The following NUP133 variants were observed in gnomAD, a reference collection of about 807,000 sequenced individuals.
The protein encoded by NUP133 is nuclear pore complex protein Nup133.
NUP133 carries 66 observed loss-of-function variants against 146.2 expected under a neutral mutation model. The ratio of observed to expected loss-of-function variants is 0.45; its 90% confidence interval spans 0.37 to 0.55. NUP133 has a LOEUF of 0.55. Ranked by LOEUF, NUP133 falls within the 20% of genes least tolerant of loss-of-function variation. The probability of loss-of-function intolerance (pLI) is 0.00; values close to 1 mark genes in which losing one functional copy is unlikely to be tolerated. For missense variants in NUP133, 1,277 were observed against 1,374.8 expected, an observed-to-expected ratio of 0.93 and a Z score of 1.12; for synonymous variants, 521 against 498.8, an observed-to-expected ratio of 1.04 and a Z score of -0.59.
At position 229,441,786 on chromosome 1, in the gene NUP133, T is replaced by C; in HGVS notation, c.*118A>G. ...ATATTAGCTTCCTACATATAAAGTA[T>C]AAAAACTCAGCTATACATGTTATGA... On this transcript the variant is annotated 3_prime_UTR_variant, in exon 26 of 26. Coordinates refer to ENST00000261396, the MANE Select transcript of NUP133 (RefSeq NM_018230.3). The C allele has an allele frequency of 1.2e-6, 1 of 861,706 alleles. No homozygotes were observed. The highest frequency in any genetic ancestry group is 1.8e-6 in the Non-Finnish European group (1 of 568,646). The allele number at this position is 861,706 out of a possible 1,614,324, so 53.4% of individuals were successfully genotyped here. A position where few individuals can be genotyped will look rare whatever the true frequency, so the allele number is the denominator to read the frequency against.
At chr1:229,469,184 G>A (rs998750115) in intron 15 of NUP133, among the ~76,000 whole-genome samples, 1 of 152,194 alleles carries the variant, frequency 6.6e-6, no homozygotes, top group African/African-American at 2.4e-5. Flanking sequence ...GGAAGAGCTG[G>A]CCCTGTTTCT....
intron 13 of NUP133, among the ~76,000 whole-genome samples, chr1:229,477,033 A>C (rs1661094133): frequency 6.6e-6 from 1 of 152,154 alleles, no homozygotes; most frequent in Non-Finnish European, 1.5e-5. Flanking sequence ...AGGAAAGCTA[A>C]GTAAGGCAAT....
In NUP133 at chr1:229,486,460, C is replaced by A. The variant is rs747808436; in HGVS notation, c.1411G>T (p.Val471Leu). The A allele has an allele frequency of 2.5e-6, 4 of 1,611,344 alleles. No homozygotes were observed. The highest frequency in any genetic ancestry group is 3.4e-5 in the Admixed American group (2 of 59,454). The change falls in exon 11 of 26, where the codon GTG (valine) becomes TTG (leucine). Residue 471 changes from valine (V) to leucine (L), a missense_variant. This residue lies in a region of NUP133 where 952 missense variants were observed against 1,047.0 expected (regional missense o/e 0.91). Transcript: ENST00000261396. ...ACATTTTCCCTTGAAGTAATAGACACCAGTCCACTGTTTCTAGAAAAAATG... is the reference window on the plus strand; with the variant it reads ...ACATTTTCCCTTGAAGTAATAGACAACAGTCCACTGTTTCTAGAAAAAATG... The part of the protein sequence containing the change: ...PIIFSRNSGL[V>L]SITSRENVSI...
chr1:229,498,369 T>C (rs1194219881), intron 5 of NUP133, 63 bp from the exon 6 acceptor site: 20 of 1,180,200 alleles, frequency 1.7e-5, no homozygotes, highest in East Asian at 2.6e-5. Flanking sequence ...AAATGAAAAA[T>C]TCTTTGATAC....
At chr1:229,449,008 G>C (rs1660379884) in intron 24 of NUP133, 118 bp downstream of exon 24, 1 of 762,632 alleles carries the variant, frequency 1.3e-6, no homozygotes. Flanking sequence ...CAGTGTAGGA[G>C]GTGGGAAATC....
At chr1:229,478,000 T>C (rs1661120041) in intron 12 of NUP133, among the ~76,000 whole-genome samples, 1 of 152,106 alleles carries the variant, frequency 6.6e-6, no homozygotes, top group Non-Finnish European at 1.5e-5. Flanking sequence ...AAGAGCATAA[T>C]TAGAATGTTC....
At chr1:229,486,203 A>C (rs1411097055) in intron 11 of NUP133, among the ~76,000 whole-genome samples, 168 bp downstream of exon 11, 2 of 151,666 alleles carry the variant, frequency 1.3e-5, no homozygotes, top group African/African-American at 4.9e-5. Context: ...AAAATTAGCC[A>C]GGCACCTACT....
chr1:229,493,876 C>G, intron 8 of NUP133, among the ~76,000 whole-genome samples: 1 of 152,278 alleles, frequency 6.6e-6, no homozygotes, highest in East Asian at 1.9e-4. Flanking sequence ...CTGACACCTG[C>G]AATCCCACTA....
At position 229,499,718 on chromosome 1, in the gene NUP133, C is replaced by A. The variant is rs1661748752; in HGVS notation, c.614G>T (p.Gly205Val). The change falls in exon 5 of 26, where the codon GGT becomes GTT. Residue 205 changes from glycine (G) to valine (V), a missense_variant. This residue lies in a region of NUP133 where 319 missense variants were observed against 306.9 expected (regional missense o/e 1.04). Transcript: ENST00000261396. ...TGTTAGGAAACTGTAAGTCTTATCA[C>A]CTCCCGAATCTACAAAAGCCTCTGT... ...TYTEAFVDSG[G>V]DKTYSFLTAV... The A allele has an allele frequency of 6.2e-7, 1 of 1,614,140 alleles. No homozygotes were observed. The highest frequency in any genetic ancestry group is 1.1e-5 in the South Asian group (1 of 91,082).
chr1:229,480,575 A>G (rs1016037724), intron 12 of NUP133, among the ~76,000 whole-genome samples: 8 of 152,192 alleles, frequency 5.3e-5, no homozygotes, highest in African/African-American at 1.9e-4. Context: ...GATTAAACAG[A>G]CAGTCACACT....
intron 25 of NUP133, among the ~76,000 whole-genome samples, chr1:229,443,614 T>G (rs73112270): frequency 0.054 from 8,256 of 152,062 alleles, 602 homozygotes; most frequent in African/African-American, 0.15. Context: ...AACACTATTG[T>G]ACATGAAAGC....
rs1660673298 is a variant in NUP133, at chr1:229,460,674, A to T, written c.2781T>A (p.Asn927Lys). The change falls in exon 20 of 26, where the codon AAT becomes AAA. Residue 927 changes from asparagine to lysine, a missense_variant. By Grantham distance (94) the Asn-to-Lys change is moderately conservative (BLOSUM62 0). This residue lies in a region of NUP133 where 952 missense variants were observed against 1,047.0 expected (regional missense o/e 0.91). Coordinates refer to ENST00000261396, the MANE Select transcript of NUP133 (RefSeq NM_018230.3). Reference protein sequence around the residue: ...QPISQHGQLANFLQAHEHLSW... With the variant: ...QPISQHGQLAKFLQAHEHLSW... ...TGAGATGTTCATGAGCTTGCAAAAAATTTGCCAACTGTCCATGCTGAGAAA... is the reference window on the plus strand; with the variant it reads ...TGAGATGTTCATGAGCTTGCAAAAATTTTGCCAACTGTCCATGCTGAGAAA... 6.2e-7 allele frequency: 1 copy of T among 1,614,118 alleles called. No homozygotes were observed.
Position 229,502,069 on chromosome 1 carries a change from C to A in NUP133, c.335G>T (p.Gly112Val). The stretch of plus-strand genomic sequence containing the variant: ...TTTGCACACCAGACAAGCCCATCCA[C>A]CTTCATCTATGTTAATGGTCAGCTG... ...DDQLTINIDE[G>V]GWACLVCKEK... The change falls in exon 3 of 26, where the codon GGT (glycine) becomes GTT (valine). Residue 112 changes from glycine to valine, a missense_variant. Around this residue, in one of 3 missense-constraint regions of NUP133, gnomAD observed 319 missense variants for 306.9 expected, o/e 1.04. Transcript: ENST00000261396. The A allele has an allele frequency of 6.2e-7, 1 of 1,613,962 alleles. No homozygotes were observed. Among genetic ancestry groups the A allele is most frequent in the Non-Finnish European group, 8.5e-7 (1 of 1,179,938 alleles).
rs1660374684 is a variant in NUP133, at chr1:229,448,881, T to C, written c.3245+245A>G. ...CAGGCAAAACCCCCTGGTGCTTAAA[T>C]TGGCATCAAAGTCAGGGGCAGTCTG... On this transcript the variant is annotated intron_variant, in intron 24 of 25. Coordinates refer to ENST00000261396, the MANE Select transcript of NUP133 (RefSeq NM_018230.3). 3 of 498,994 alleles carry C rather than the reference T, an allele frequency of 6.0e-6. No individual in the cohort carries two copies. The South Asian group carries it at 7.4e-5, about 12-fold the overall frequency. The allele number at this position is 498,994 out of a possible 1,614,324, so 30.9% of individuals were successfully genotyped here.
rs921672817 is a variant in NUP133, at chr1:229,487,457, C to T, written c.1342+9G>A. Reference sequence around the variant, plus strand: ...TCACCAATCATGCTTTCTAAAACTGCTACTGTACCTTGTGCATTAAAGACA... The same window carrying T: ...TCACCAATCATGCTTTCTAAAACTGTTACTGTACCTTGTGCATTAAAGACA... On this transcript the variant is annotated intron_variant, in intron 10 of 25. Transcript: ENST00000261396. 4.3e-6 allele frequency: 7 copies of T among 1,610,464 alleles called. No individual in the cohort carries two copies. The highest frequency in any genetic ancestry group is 1.7e-5 in the Admixed American group (1 of 58,910).
intron 25 of NUP133, 68 bp downstream of exon 25, chr1:229,444,846 C>CAAA: frequency 6.7e-6 from 7 of 1,041,072 alleles, no homozygotes; most frequent in Non-Finnish European, 1.0e-5. Flanking sequence ...GACTCCGTCT[C>CAAA]AAAAAAAAAC....
In NUP133 at chr1:229,470,682, G is replaced by T. The variant is rs1660934192; in HGVS notation, c.1974C>A (p.Ser658=). 1 of 1,614,054 alleles carries T rather than the reference G, an allele frequency of 6.2e-7. No homozygotes were observed. ...CTGTGTTGACAAGGTCAGAAAGCCG[G>T]GAGTGGTGGTTCTTGAGAACAATGG... ...SAAIVLKNHH[S]RLSDLVNTAI... Residue 658 remains serine (S), a synonymous_variant, in exon 15 of 26, where the codon TCC becomes TCA. Transcript: ENST00000261396.
intron 14 of NUP133, among the ~76,000 whole-genome samples, chr1:229,472,094 C>T (rs369368643): frequency 2.0e-5 from 3 of 151,906 alleles, no homozygotes; most frequent in East Asian, 1.9e-4. Flanking sequence ...CCGAGGCGGG[C>T]GGATCACGAG....
rs759167980 is a variant in NUP133, at chr1:229,489,954, C to T, written c.1194+1G>A. The stretch of plus-strand genomic sequence containing the variant: ...TGTAATTTAACCAATATAAATCTTA[C>T]CTGAAAAGGTGGATTATATTGAGTG... On this transcript the variant is annotated splice_donor_variant, in intron 9 of 25. Transcript: ENST00000261396. LOFTEE classifies it high-confidence loss of function. The T allele has an allele frequency of 3.8e-6, 6 of 1,581,322 alleles. No individual in the cohort carries two copies. The highest frequency in any genetic ancestry group is 5.2e-6 in the Non-Finnish European group (6 of 1,162,862).
Sources: allele counts gnomAD v4.1 joint callset (sites outside exome capture counted in the v4.1 genomes callset), GRCh38; gene constraint gnomAD v4.1.1; regional missense constraint gnomAD v4.1.1; transcripts MANE v1.5; gene names NCBI Gene and HGNC (gene_info 2026-07-23, HGNC 2026-07-21).